LEPR: variants seen among roughly 807,000 people sequenced by gnomAD.
The protein encoded by LEPR is leptin receptor, also known as OB receptor.
LEPR carries 56 observed loss-of-function variants against 114.7 expected under a neutral mutation model. The ratio of observed to expected loss-of-function variants is 0.49; its 90% CI spans 0.39 to 0.61. LEPR has a LOEUF of 0.61. LEPR is among the 20% of genes least tolerant of loss of function. The pLI, the probability that LEPR is intolerant of heterozygous loss-of-function variation, is 0.00. For synonymous variants in LEPR, 443 were observed against 461.4 expected, an observed-to-expected ratio of 0.96 and a Z score of 0.51; for missense variants, 1,202 against 1,352.9, an observed-to-expected ratio of 0.89 and a Z score of 1.75.
At chr1:65,421,370 G>T in intron 1 of LEPR, 1 of 1,535,538 alleles carries the variant, frequency 6.5e-7, no homozygotes, top group Admixed American at 2.0e-5. Flanking sequence ...TTTGCATGGG[G>T]CAGTTGGTAA....
chr1:65,511,624 T>C (rs1570585444), intron 2 of LEPR, among the ~76,000 whole-genome samples: 1 of 152,214 alleles, frequency 6.6e-6, no homozygotes, highest in African/African-American at 2.4e-5. Context: ...ATCTTATTCC[T>C]ACACTAAAAA....
At chr1:65,602,601 T>A (rs1264019680) in intron 10 of LEPR, among the ~76,000 whole-genome samples, 2 of 152,092 alleles carry the variant, frequency 1.3e-5, no homozygotes, top group East Asian at 1.9e-4. Context: ...TTTTTATTTT[T>A]AAAAATATCC....
At chr1:65,567,054 G>T (rs979541681) in intron 3 of LEPR, among the ~76,000 whole-genome samples, 1 of 152,022 alleles carries the variant, frequency 6.6e-6, no homozygotes, top group Admixed American at 6.6e-5. Context: ...AAGGTTTCTG[G>T]TTTGATCAAG....
At chr1:65,539,357 T>C (rs2100654296) in intron 2 of LEPR, among the ~76,000 whole-genome samples, 1 of 152,270 alleles carries the variant, frequency 6.6e-6, no homozygotes, top group Admixed American at 6.5e-5. Flanking sequence ...ACTTTCTTCA[T>C]GTCTTTGTGT....
intron 19 of LEPR, chr1:65,635,232 C>G (rs1938496): frequency 1.0e-6 from 1 of 974,654 alleles, no homozygotes; most frequent in Non-Finnish European, 1.2e-6. Context: ...AAGCTGAACA[C>G]ATTTTCTATA....
rs550608842 is a variant in LEPR, at chr1:65,580,565, A to G, written c.494+8116A>G. Among the ~76,000 whole-genome samples the G allele has an allele frequency of 4.6e-5, 7 of 152,316 alleles. No homozygotes were observed. The East Asian group carries it at 9.6e-4, about 21-fold the overall frequency. The stretch of plus-strand genomic sequence containing the variant: ...TACTCTAGAAATGTAATATTTTGAA[A>G]CTGCTCTGAGATTTTCTCTTAGATC... On this transcript the variant is annotated intron_variant, in intron 5 of 19. Transcript: ENST00000349533.
At chr1:65,586,533 A>C (rs1048900113) in intron 5 of LEPR, among the ~76,000 whole-genome samples, 2 of 151,878 alleles carry the variant, frequency 1.3e-5, no homozygotes, top group African/African-American at 4.8e-5. Context: ...TTGCAGAAAA[A>C]CAATTATAGT....
chr1:65,531,284 G>A (rs939027203), intron 2 of LEPR, among the ~76,000 whole-genome samples: 12 of 152,014 alleles, frequency 7.9e-5, no homozygotes, highest in African/African-American at 2.2e-4. Flanking sequence ...CACATGGTTC[G>A]CTTTGTTACT....
chr1:65,640,030 T>C lies in LEPR; in HGVS notation c.*3015T>C, dbSNP rs914232400. ...ATGAAATTCCAATACCAGTGTGAGA[T>C]TCTGGATTTAGAATAAGGTTTTATA... is the stretch of plus-strand genomic sequence containing the variant. On this transcript the variant is annotated 3_prime_UTR_variant, in exon 20 of 20. Coordinates refer to ENST00000349533, the MANE Select transcript of LEPR (RefSeq NM_002303.6). 6.6e-6 allele frequency: 1 copy of C among 152,086 alleles called. No homozygotes were observed. Among genetic ancestry groups the C allele is most frequent in the South Asian group, 2.1e-4 (1 of 4,826 alleles). 9.4% of individuals were successfully genotyped at this position (152,086 alleles called of 1,614,324 possible).
At chr1:65,437,034 C>T (rs1349360776) in intron 2 of LEPR, among the ~76,000 whole-genome samples, 1 of 152,202 alleles carries the variant, frequency 6.6e-6, no homozygotes, top group Non-Finnish European at 1.5e-5. Flanking sequence ...ACCCAGAATT[C>T]TCCAGTACTT....
chr1:65,602,353 G>T (rs1039971339), intron 10 of LEPR, among the ~76,000 whole-genome samples: 2 of 151,952 alleles, frequency 1.3e-5, no homozygotes, highest in Non-Finnish European at 2.9e-5. Flanking sequence ...TTGGAAAAAA[G>T]AGGTAAAAAC....
intron 2 of LEPR, among the ~76,000 whole-genome samples, chr1:65,472,988 C>A (rs1053885428): frequency 1.3e-5 from 2 of 152,166 alleles, no homozygotes; most frequent in Admixed American, 6.5e-5. Flanking sequence ...GCTAAATGCC[C>A]CCAGGGATGG....
At chr1:65,573,774 C>A (rs1375483528) in intron 5 of LEPR, among the ~76,000 whole-genome samples, 3 of 152,086 alleles carry the variant, frequency 2.0e-5, no homozygotes, top group Admixed American at 1.3e-4. Context: ...TGGGGAGTTA[C>A]TGTTTAATGG....
chr1:65,517,576 C>T (rs1470550584), intron 2 of LEPR, among the ~76,000 whole-genome samples: 1 of 152,168 alleles, frequency 6.6e-6, no homozygotes, highest in Admixed American at 6.5e-5. Context: ...TGCGGATACT[C>T]AGTAACATTT....
chr1:65,545,876 C>G, intron 2 of LEPR, among the ~76,000 whole-genome samples: 1 of 151,716 alleles, frequency 6.6e-6, no homozygotes, highest in Non-Finnish European at 1.5e-5. Flanking sequence ...ACATGAAGTC[C>G]TTGCCCATGC....
At chr1:65,558,017 C>T (rs1652946551) in intron 2 of LEPR, among the ~76,000 whole-genome samples, 1 of 152,084 alleles carries the variant, frequency 6.6e-6, no homozygotes, top group Non-Finnish European at 1.5e-5. Flanking sequence ...CTGAGGAGAC[C>T]AGGTGAGTTA....
At chr1:65,626,770 A>G (rs1658243216) in intron 19 of LEPR, among the ~76,000 whole-genome samples, 1 of 151,940 alleles carries the variant, frequency 6.6e-6, no homozygotes, top group East Asian at 1.9e-4. Context: ...CATCCCCTTT[A>G]GTAGCTGGGA....
At chr1:65,421,601 G>A in intron 1 of LEPR, 3 of 920,382 alleles carry the variant, frequency 3.3e-6, no homozygotes, top group Non-Finnish European at 5.0e-6. Flanking sequence ...GTATATATAC[G>A]AGTACGCCTC....
chr1:65,430,106 G>A, intron 2 of LEPR: 1 of 1,410,998 alleles, frequency 7.1e-7, no homozygotes, highest in Non-Finnish European at 9.5e-7. Context: ...TCAGAGGCCT[G>A]TGTCTGGGAC....
Sources: gnomAD v4.1 joint callset for allele counts (sites outside exome capture counted in the v4.1 genomes callset) on GRCh38, gnomAD v4.1.1 for gene constraint, MANE v1.5 for transcripts, NCBI Gene and HGNC (gene_info 2026-07-23, HGNC 2026-07-21) for gene names.